CELF1: variants seen among roughly 807,000 people sequenced by gnomAD.
The protein encoded by CELF1 is CUGBP Elav-like family member 1.
Under a neutral mutation model 61.8 loss-of-function variants are expected in CELF1, and 10 were observed. The ratio of observed to expected loss-of-function variants is 0.16; its 90% CI spans 0.10 to 0.27. CELF1 has a LOEUF of 0.27. Ranked by LOEUF, CELF1 falls within the 10% of genes least tolerant of loss-of-function variation. CELF1 has a pLI of 1.00. For missense variants in CELF1, 380 were observed against 639.1 expected (o/e 0.59, Z 4.37); for synonymous variants, 236 against 225.1 (o/e 1.05, Z -0.43).
At chr11:47,550,201 C>T (rs909883605) in intron 1 of CELF1, among the ~76,000 whole-genome samples, 7 of 151,686 alleles carry the variant, frequency 4.6e-5, no homozygotes, top group African/African-American at 1.5e-4. Flanking sequence ...CCAGCCTGGG[C>T]AAAACAGTGA....
At position 47,468,901 on chromosome 11, in the gene CELF1, AAAAC is replaced by A. The variant is rs2077102687; in HGVS notation, c.*3325_*3328del. ...AACAAACGGCAGGAATCTAGAAAAAAAAACAAACCAGAAAGAGGGAGACCCACTG... is the reference window on the plus strand; with the variant it reads ...AACAAACGGCAGGAATCTAGAAAAAAAAACCAGAAAGAGGGAGACCCACTG... On this transcript the variant is annotated 3_prime_UTR_variant, in exon 15 of 15. Transcript: ENST00000687097. 6.6e-6 allele frequency: 1 copy of A among 152,446 alleles called. No individual in the cohort carries two copies. The highest frequency in any genetic ancestry group is 6.5e-5 in the Admixed American group (1 of 15,282). The allele number at this position is 152,446 out of a possible 1,614,324, so 9.4% of individuals were successfully genotyped here.
At chr11:47,549,811 G>T (rs1052012725) in intron 1 of CELF1, among the ~76,000 whole-genome samples, 4 of 133,220 alleles carry the variant, frequency 3.0e-5, no homozygotes, top group Admixed American at 8.1e-5. Flanking sequence ...AATGTTGTGG[G>T]TTTTTTTTGT....
At chr11:47,554,037 A>G (rs2097194408), upstream of CELF1, among the ~76,000 whole-genome samples, 1 of 152,080 alleles carries the variant, frequency 6.6e-6, no homozygotes, top group East Asian at 1.9e-4. Flanking sequence ...CAACATGCAA[A>G]TAACTCATGG....
At chr11:47,528,137 C>A (rs1358014631) in intron 1 of CELF1, among the ~76,000 whole-genome samples, 1 of 130,300 alleles carries the variant, frequency 7.7e-6, no homozygotes, top group South Asian at 2.4e-4. Context: ...CACAGCAATA[C>A]ACCACAGTTG....
upstream of CELF1, among the ~76,000 whole-genome samples, chr11:47,557,005 T>C (rs12271179): frequency 6.9e-3 from 1,050 of 152,256 alleles, 15 homozygotes; most frequent in African/African-American, 0.023. Flanking sequence ...ATTCAAGCGA[T>C]TCTGCTGCCT....
At position 47,512,913 on chromosome 11, in the gene CELF1, C is replaced by T. The variant is rs553057590; in HGVS notation, c.-153-11981G>A. Among the ~76,000 whole-genome samples the T allele has an allele frequency of 7.2e-5, 11 of 152,234 alleles. No individual in the cohort carries two copies. The East Asian group carries it at 2.1e-3, about 29-fold the overall frequency. On this transcript the variant is annotated intron_variant, in intron 1 of 14. Coordinates refer to ENST00000687097, the MANE Select transcript of CELF1 (RefSeq NM_001376376.1). The stretch of plus-strand genomic sequence containing the variant: ...CTGGAGGCCTGTAAGCCCAACAATG[C>T]TTTAGGCTAAACAGACTAAACTTTA...
upstream of CELF1, among the ~76,000 whole-genome samples, chr11:47,555,990 ACT>A (rs1436982551): frequency 7.2e-6 from 1 of 139,482 alleles, no homozygotes; most frequent in Non-Finnish European, 1.5e-5. Context: ...ACACAGCAAG[ACT>A]CTGTCTCAAA....
chr11:47,549,175 C>A (rs1055410450), intron 1 of CELF1, among the ~76,000 whole-genome samples: 38 of 152,110 alleles, frequency 2.5e-4, no homozygotes, highest in Non-Finnish European at 5.0e-4. Flanking sequence ...TAAAATGGTG[C>A]AACTGCTATA....
At chr11:47,559,807 G>T (rs1020601861) in intron 2 of CELF1, among the ~76,000 whole-genome samples, 1 of 152,018 alleles carries the variant, frequency 6.6e-6, no homozygotes, top group Non-Finnish European at 1.5e-5. Flanking sequence ...TTCGAGACCA[G>T]CCTGGCCAAC....
chr11:47,560,048 C>T (rs2097220708), intron 2 of CELF1, among the ~76,000 whole-genome samples: 1 of 151,698 alleles, frequency 6.6e-6, no homozygotes, highest in African/African-American at 2.4e-5. Flanking sequence ...ACTTGTAATC[C>T]CAGCACTTTG....
chr11:47,549,757 A>C (rs190287520), intron 1 of CELF1, among the ~76,000 whole-genome samples: 1 of 152,264 alleles, frequency 6.6e-6, no homozygotes, highest in Non-Finnish European at 1.5e-5. Flanking sequence ...AACAGTGCGA[A>C]TGTACTTAAT....
At chr11:47,496,456 C>T (rs2093109017) in intron 3 of CELF1, among the ~76,000 whole-genome samples, 1 of 152,152 alleles carries the variant, frequency 6.6e-6, no homozygotes, top group African/African-American at 2.4e-5. Flanking sequence ...TAAGACTGAG[C>T]AATATGTGCC....
intron 1 of CELF1, among the ~76,000 whole-genome samples, chr11:47,529,661 G>GA (rs1028774627): frequency 1.0e-4 from 15 of 149,722 alleles, no homozygotes; most frequent in East Asian, 2.0e-4. Context: ...TCCGACTCGG[G>GA]AAAAAAAAAA....
chr11:47,546,447 G>A (rs1250981601), intron 1 of CELF1, among the ~76,000 whole-genome samples: 1 of 151,682 alleles, frequency 6.6e-6, no homozygotes, highest in African/African-American at 2.4e-5. Context: ...TGTATTTTTG[G>A]CAGAGACGGG....
chr11:47,508,961 G>GT (rs1190777176), intron 1 of CELF1, among the ~76,000 whole-genome samples: 1 of 152,122 alleles, frequency 6.6e-6, no homozygotes, highest in Non-Finnish European at 1.5e-5. Context: ...TAGAGATGGG[G>GT]TTTCACCATG....
intron 10 of CELF1, among the ~76,000 whole-genome samples, chr11:47,478,223 C>G (rs1311568654): frequency 6.6e-6 from 1 of 152,206 alleles, no homozygotes; most frequent in African/African-American, 2.4e-5. Flanking sequence ...GAGCAAAATG[C>G]AGTTCACTGA....
In CELF1 at chr11:47,471,983, C is replaced by A; in HGVS notation, c.*247G>T. 1 of 425,196 alleles carries A rather than the reference C, an allele frequency of 2.4e-6. No homozygotes were observed. The highest frequency in any genetic ancestry group is 3.4e-5 in the East Asian group (1 of 29,086). The allele number at this position is 425,196 out of a possible 1,614,324, so 26.3% of individuals were successfully genotyped here. Reference sequence around the variant, plus strand: ...AAACAAAAACAAAAACAAAAAAAACCTCAGGATATGGCACCTAAACTCCAA... The same window carrying A: ...AAACAAAAACAAAAACAAAAAAAACATCAGGATATGGCACCTAAACTCCAA... On this transcript the variant is annotated 3_prime_UTR_variant, in exon 15 of 15. Transcript: ENST00000687097.
chr11:47,482,870 A>AT lies in CELF1; in HGVS notation c.607-15dup. The AT allele has an allele frequency of 1.2e-6, 2 of 1,606,260 alleles. No homozygotes were observed. The highest frequency in any genetic ancestry group is 1.7e-6 in the Non-Finnish European group (2 of 1,175,826). On this transcript the variant is annotated splice_polypyrimidine_tract_variant and intron_variant, in intron 8 of 14. Transcript: ENST00000687097. ...TGATGAGCAACCCTGTGAAAAGACCATAACGAAAGGGTCAAATTCCTCCAT... is the reference window on the plus strand; with the variant it reads ...TGATGAGCAACCCTGTGAAAAGACCATTAACGAAAGGGTCAAATTCCTCCAT...
At chr11:47,501,302 C>T (rs984697738) in intron 1 of CELF1, among the ~76,000 whole-genome samples, 2 of 149,848 alleles carry the variant, frequency 1.3e-5, no homozygotes, top group Non-Finnish European at 3.0e-5. Flanking sequence ...ACACAGTTTA[C>T]CAAGCCCATG....
Sources: gnomAD v4.1 joint callset for allele counts (sites outside exome capture counted in the v4.1 genomes callset) on GRCh38, gnomAD v4.1.1 for gene constraint, MANE v1.5 for transcripts, NCBI Gene and HGNC (gene_info 2026-07-23, HGNC 2026-07-21) for gene names.